Variants in PDCD10 observed in about 807,000 individuals in gnomAD.
PDCD10 encodes the protein programmed cell death 10, also known as programmed cell death protein 10.
A neutral mutation model predicts 29.2 loss-of-function variants in PDCD10; 4 were observed. That is an observed-to-expected ratio of 0.14 (90% CI 0.07 to 0.31). The LOEUF (loss-of-function observed/expected upper bound fraction) is 0.31. Ranked by LOEUF, PDCD10 falls within the 10% of genes least tolerant of loss-of-function variation. The pLI is 1.00. For synonymous variants in PDCD10, 70 were observed against 82.2 expected (o/e 0.85, Z 0.80); for missense variants, 183 against 257.9 (o/e 0.71, Z 1.99).
chr3:167,723,288 T>G (rs1490169596), intron 2 of PDCD10, among the ~76,000 whole-genome samples: 1 of 152,228 alleles, frequency 6.6e-6, no homozygotes, highest in Admixed American at 6.5e-5. Context: ...GAGCCTGCTA[T>G]GGAAACAGCA....
At chr3:167,716,050 A>ATTTT (rs202004307) in intron 3 of PDCD10, among the ~76,000 whole-genome samples, 1,990 of 152,090 alleles carry the variant, frequency 0.013, 39 homozygotes, top group African/African-American at 0.046. Context: ...AACAGATAAA[A>ATTTT]TGTGGTACAC....
At chr3:167,695,750 C>T in intron 5 of PDCD10, 28 bp from the exon 6 acceptor site, 2 of 1,608,748 alleles carry the variant, frequency 1.2e-6, no homozygotes, top group South Asian at 1.1e-5. Context: ...TAATAAAAAA[C>T]ATCCTGCGAC....
intron 4 of PDCD10, among the ~76,000 whole-genome samples, chr3:167,700,956 G>GT (rs1378426493): frequency 6.6e-6 from 1 of 152,178 alleles, no homozygotes. Context: ...AAGCAGAGAA[G>GT]TGAGCACCAG....
rs543006213 is a variant in PDCD10, at chr3:167,725,129, C to A, written c.-116-4856G>T. Among the ~76,000 whole-genome samples the A allele has an allele frequency of 5.9e-5, 9 of 152,100 alleles. No homozygotes were observed. The South Asian group carries it at 1.9e-3, about 32-fold the overall frequency. ...TAAACTAGCCAGATGCGGTGGTGGG[C>A]TTCTGTAGTCCCAGCTACTCAGGAG... On this transcript the variant is annotated intron_variant, in intron 2 of 8. Transcript: ENST00000392750.
intron 3 of PDCD10, among the ~76,000 whole-genome samples, chr3:167,705,308 A>G (rs1439335977): frequency 6.6e-6 from 1 of 152,146 alleles, no homozygotes; most frequent in African/African-American, 2.4e-5. Flanking sequence ...TGATTTTTTC[A>G]GTCCTTAAGG....
chr3:167,684,664 C>A (rs1161241727), intron 8 of PDCD10, among the ~76,000 whole-genome samples: 1 of 152,024 alleles, frequency 6.6e-6, no homozygotes, highest in Non-Finnish European at 1.5e-5. Context: ...ATAGGTGGAA[C>A]AAGTTAACTG....
chr3:167,683,994 G>A lies in PDCD10; in HGVS notation c.*314C>T. On this transcript the variant is annotated 3_prime_UTR_variant, in exon 9 of 9. Coordinates refer to ENST00000392750, the MANE Select transcript of PDCD10 (RefSeq NM_007217.4). ...CAGCATATCGCTTTCAAGTTAAAAT[G>A]TCAGAAACAAACACCAATATTTACA... 3.7e-6 allele frequency: 1 copy of A among 267,566 alleles called. No homozygotes were observed. Among genetic ancestry groups the A allele is most frequent in the Non-Finnish European group, 7.4e-6 (1 of 134,912 alleles). The allele number at this position is 267,566 out of a possible 1,614,324, so 16.6% of individuals were successfully genotyped here. A position where few individuals can be genotyped will look rare whatever the true frequency, so the allele number is the denominator to read the frequency against.
At chr3:167,723,620 T>C (rs1723801159) in intron 2 of PDCD10, among the ~76,000 whole-genome samples, 1 of 152,210 alleles carries the variant, frequency 6.6e-6, no homozygotes, top group Non-Finnish European at 1.5e-5. Flanking sequence ...ATAATAAAAA[T>C]GTAATGTTGG....
chr3:167,717,893 A>C (rs138563381), intron 3 of PDCD10, among the ~76,000 whole-genome samples: 50 of 152,252 alleles, frequency 3.3e-4, no homozygotes, highest in African/African-American at 1.2e-3. Context: ...TGAAATTGTT[A>C]GAACAAAAAC....
intron 6 of PDCD10, among the ~76,000 whole-genome samples, chr3:167,692,467 T>C (rs574413314): frequency 1.3e-5 from 2 of 152,338 alleles, no homozygotes; most frequent in African/African-American, 4.8e-5. Flanking sequence ...GCTCAAAAAG[T>C]TTTGGATTTT....
At chr3:167,723,316 G>A (rs1723771133) in intron 2 of PDCD10, among the ~76,000 whole-genome samples, 1 of 152,234 alleles carries the variant, frequency 6.6e-6, no homozygotes, top group Non-Finnish European at 1.5e-5. Context: ...GCTGAGCTGA[G>A]TGAGGTCTGA....
In PDCD10 at chr3:167,720,239, G is replaced by C. The variant is rs1006646703; in HGVS notation, c.-82C>G. ...ACTGCAATATTTCTTCTCTTTTTTG[G>C]TGATAAAAGAATTGGACACAAAAAA... On this transcript the variant is annotated 5_prime_UTR_variant, in exon 3 of 9. Coordinates refer to ENST00000392750, the MANE Select transcript of PDCD10 (RefSeq NM_007217.4). 3 of 931,554 alleles carry C rather than the reference G, an allele frequency of 3.2e-6. No homozygotes were observed. The African/African-American group carries it at 4.9e-5, about 15-fold the overall frequency. The allele number at this position is 931,554 out of a possible 1,614,324, so 57.7% of individuals were successfully genotyped here.
In PDCD10 at chr3:167,696,718, T is replaced by C. The variant is rs993620538; in HGVS notation, c.268+291A>G. 2.0e-5 allele frequency among the ~76,000 whole-genome samples: 3 copies of C among 152,188 alleles called. No homozygotes were observed. In the East Asian group the frequency reaches 5.8e-4, roughly 29 times the overall value. ...ACACATTCCAAATAAGCTTATCTTTTAGTAAAACTGAAACTCACCAAACAT... is the reference window on the plus strand; with the variant it reads ...ACACATTCCAAATAAGCTTATCTTTCAGTAAAACTGAAACTCACCAAACAT... On this transcript the variant is annotated intron_variant, in intron 5 of 8. Transcript: ENST00000392750.
chr3:167,685,396 CAAAAAAAAAAAA>C (rs1184281849), intron 8 of PDCD10, among the ~76,000 whole-genome samples: 9 of 55,978 alleles, frequency 1.6e-4, no homozygotes, highest in Non-Finnish European at 2.0e-4. Flanking sequence ...ACTCTGTCTC[CAAAAAAAAAAAA>C]AAAAAAAAAA....
intron 6 of PDCD10, among the ~76,000 whole-genome samples, chr3:167,690,424 TAAAAC>T (rs1720100347): frequency 6.6e-6 from 1 of 152,308 alleles, no homozygotes; most frequent in South Asian, 2.1e-4. Context: ...ACTCCTAACT[TAAAAC>T]AAATAAACCT....
At chr3:167,697,187 A>T (rs1481892877) in intron 4 of PDCD10, 61 bp from the exon 5 acceptor site, 1 of 917,738 alleles carries the variant, frequency 1.1e-6, no homozygotes, top group Non-Finnish European at 1.8e-6. Flanking sequence ...TTAAAGCCAA[A>T]GTTTAATTGT....
At chr3:167,701,934 T>C (rs1376064000) in intron 4 of PDCD10, among the ~76,000 whole-genome samples, 1 of 152,016 alleles carries the variant, frequency 6.6e-6, no homozygotes, top group East Asian at 1.9e-4. Flanking sequence ...TTTCAAGATA[T>C]GGATATCAGA....
intron 3 of PDCD10, among the ~76,000 whole-genome samples, chr3:167,710,865 T>C (rs1420402881): frequency 2.6e-5 from 4 of 152,170 alleles, no homozygotes; most frequent in Non-Finnish European, 4.4e-5. Context: ...AGAAAGAAAC[T>C]ACATTTGTTT....
At position 167,723,614 on chromosome 3, in the gene PDCD10, TA is replaced by T. The variant is rs139101104; in HGVS notation, c.-116-3342del. Among the ~76,000 whole-genome samples, 177 of 152,290 alleles carry T rather than the reference TA, an allele frequency of 1.2e-3. 6 individuals carry two copies. The East Asian group carries it at 0.029, about 25-fold the overall frequency. On this transcript the variant is annotated intron_variant, in intron 2 of 8. Transcript: ENST00000392750. ...ATCTAGCTAATAATTAAATACATAATAAAAATGTAATGTTGGTATGATAACA... is the reference window on the plus strand; with the variant it reads ...ATCTAGCTAATAATTAAATACATAATAAAATGTAATGTTGGTATGATAACA...
Sources: allele counts gnomAD v4.1 joint callset (sites outside exome capture counted in the v4.1 genomes callset), GRCh38; gene constraint gnomAD v4.1.1; transcripts MANE v1.5; gene names NCBI Gene and HGNC (gene_info 2026-07-23, HGNC 2026-07-21).